The following SOX5 variants were observed in gnomAD, a reference collection of about 807,000 sequenced individuals.
SOX5 encodes transcription factor SOX-5.
Under a neutral mutation model 92.0 loss-of-function variants are expected in SOX5, and 9 were observed. The observed-to-expected ratio is 0.10, with a 90% CI of 0.06 to 0.17. The LOEUF is 0.17. Ranked by LOEUF, SOX5 falls within the 10% of genes least tolerant of loss-of-function variation. The pLI is 1.00. For synonymous variants in SOX5, 344 were observed against 336.3 expected (o/e 1.02, Z -0.25); for missense variants, 642 against 944.5 (o/e 0.68, Z 4.20).
intron 4 of SOX5, among the ~76,000 whole-genome samples, chr12:23,970,953 C>T (rs1948254218): frequency 6.9e-6 from 1 of 145,602 alleles, no homozygotes; most frequent in African/African-American, 2.5e-5. Context: ...GCACTTGGCT[C>T]ACAATGGTAA....
chr12:24,174,957 A>G (rs1452736008), intron 4 of SOX5, among the ~76,000 whole-genome samples: 1 of 152,246 alleles, frequency 6.6e-6, no homozygotes, highest in Non-Finnish European at 1.5e-5. Flanking sequence ...TCTTCTTGAC[A>G]AGTCATACTT....
intron 2 of SOX5, among the ~76,000 whole-genome samples, chr12:23,874,075 A>C (rs1357746179): frequency 6.6e-6 from 1 of 152,192 alleles, no homozygotes; most frequent in Non-Finnish European, 1.5e-5. Flanking sequence ...TCTCTTGTGT[A>C]ATAAATCAAG....
intron 8 of SOX5, among the ~76,000 whole-genome samples, chr12:23,631,779 C>T (rs192935726): frequency 5.9e-5 from 9 of 152,194 alleles, no homozygotes; most frequent in Non-Finnish European, 1.0e-4. Flanking sequence ...CACACGTGTA[C>T]TGATGTTTCT....
chr12:23,674,501 C>A (rs530204201), intron 6 of SOX5, among the ~76,000 whole-genome samples: 2 of 151,528 alleles, frequency 1.3e-5, no homozygotes, highest in Non-Finnish European at 2.9e-5. Context: ...CCGCTTCCGG[C>A]TAAGTTTTGT....
At chr12:24,134,208 A>AT (rs556612541) in intron 4 of SOX5, among the ~76,000 whole-genome samples, 33 of 152,276 alleles carry the variant, frequency 2.2e-4, no homozygotes, top group Non-Finnish European at 4.7e-4. Context: ...AAAATAATAA[A>AT]TTTTTAAGGG....
At chr12:23,685,465 T>C (rs1450288027) in intron 6 of SOX5, among the ~76,000 whole-genome samples, 1 of 152,086 alleles carries the variant, frequency 6.6e-6, no homozygotes, top group Non-Finnish European at 1.5e-5. Flanking sequence ...AAAATTTTAA[T>C]TGTGTGTCTC....
intron 3 of SOX5, among the ~76,000 whole-genome samples, chr12:23,826,417 G>A (rs1344175958): frequency 6.6e-6 from 1 of 152,140 alleles, no homozygotes; most frequent in Non-Finnish European, 1.5e-5. Flanking sequence ...CCCAGAACAA[G>A]TATGGCTATA....
chr12:23,971,373 C>T (rs928284424), intron 4 of SOX5, among the ~76,000 whole-genome samples: 4 of 151,406 alleles, frequency 2.6e-5, no homozygotes, highest in African/African-American at 7.3e-5. Flanking sequence ...CCACCTGCCT[C>T]AGCCTCCCAA....
At chr12:23,601,910 G>C (rs772778179) in intron 9 of SOX5, among the ~76,000 whole-genome samples, 2 of 152,146 alleles carry the variant, frequency 1.3e-5, no homozygotes, top group African/African-American at 2.4e-5. Context: ...CAGTATGCTA[G>C]AGGGCACTGA....
At chr12:23,866,410 G>T (rs2096814727) in intron 2 of SOX5, among the ~76,000 whole-genome samples, 1 of 152,176 alleles carries the variant, frequency 6.6e-6, no homozygotes, top group African/African-American at 2.4e-5. Context: ...GCCCAAAACA[G>T]CTCTGTGAGT....
At chr12:23,723,668 T>G (rs994591667) in intron 6 of SOX5, among the ~76,000 whole-genome samples, 1 of 149,702 alleles carries the variant, frequency 6.7e-6, no homozygotes, top group Non-Finnish European at 1.5e-5. Flanking sequence ...AAAAGAAAAG[T>G]AAATGATCAA....
intron 3 of SOX5, among the ~76,000 whole-genome samples, chr12:23,760,521 A>G (rs963407276): frequency 6.6e-6 from 1 of 152,072 alleles, no homozygotes; most frequent in Non-Finnish European, 1.5e-5. Flanking sequence ...CCCTTCTGAT[A>G]CATTTGCTTG....
intron 4 of SOX5, among the ~76,000 whole-genome samples, chr12:24,035,106 T>G (rs1955890913): frequency 6.6e-6 from 1 of 152,106 alleles, no homozygotes; most frequent in African/African-American, 2.4e-5. Context: ...TTATTAGTGC[T>G]CAATAGACAA....
intron 4 of SOX5, among the ~76,000 whole-genome samples, chr12:24,196,355 C>T (rs1158616471): frequency 1.3e-5 from 2 of 152,154 alleles, no homozygotes; most frequent in African/African-American, 4.8e-5. Flanking sequence ...AAAAAGAAAA[C>T]AGTATTGAGT....
intron 6 of SOX5, among the ~76,000 whole-genome samples, chr12:23,671,257 A>AATT (rs1211899088): frequency 6.6e-6 from 1 of 152,202 alleles, no homozygotes; most frequent in East Asian, 1.9e-4. Flanking sequence ...GGTTTATATC[A>AATT]GCACAATTAC....
intron 3 of SOX5, among the ~76,000 whole-genome samples, chr12:24,234,462 C>T (rs945057207): frequency 1.4e-4 from 21 of 152,286 alleles, no homozygotes; most frequent in African/African-American, 5.1e-4. Flanking sequence ...ACTGCAACCT[C>T]CACCTCCCAG....
chr12:24,332,845 C>T (rs1465778273), intron 2 of SOX5, among the ~76,000 whole-genome samples: 2 of 151,910 alleles, frequency 1.3e-5, no homozygotes, highest in African/African-American at 2.4e-5. Flanking sequence ...ATAGACAAAT[C>T]ATGGAAGATT....
intron 8 of SOX5, among the ~76,000 whole-genome samples, chr12:23,623,384 A>G (rs2077408450): frequency 6.6e-6 from 1 of 152,098 alleles, no homozygotes; most frequent in Admixed American, 6.6e-5. Context: ...CACATTGTTT[A>G]ATCTGCATAC....
At chr12:24,505,739 T>G (rs1202925201) in intron 1 of SOX5, among the ~76,000 whole-genome samples, 2 of 152,218 alleles carry the variant, frequency 1.3e-5, no homozygotes, top group African/African-American at 4.8e-5. Context: ...AGTCCATCAA[T>G]TTGTATGTAA....
Sources: gnomAD v4.1 joint callset for allele counts (sites outside exome capture counted in the v4.1 genomes callset) on GRCh38, gnomAD v4.1.1 for gene constraint, MANE v1.5 for transcripts, NCBI Gene and HGNC (gene_info 2026-07-23, HGNC 2026-07-21) for gene names.